The following SLC7A1 variants were observed in gnomAD, a reference collection of about 807,000 sequenced individuals.
The protein encoded by SLC7A1 is high affinity cationic amino acid transporter 1.
In SLC7A1, 10 loss-of-function variants were observed where a neutral mutation model predicts 53.9. That is an observed-to-expected ratio of 0.19 (90% CI 0.11 to 0.31). The LOEUF is 0.31. Ranked by LOEUF, SLC7A1 falls within the 10% of genes least tolerant of loss-of-function variation. The pLI is 1.00. For missense variants in SLC7A1, 525 were observed against 827.2 expected (o/e 0.63, Z 4.48); for synonymous variants, 342 against 338.7 (o/e 1.01, Z -0.11).
Position 29,517,697 on chromosome 13 carries a change from A to G in SLC7A1, c.1386T>C (p.Asn462=). ...CTGGTAAAAAGCCCAGCTGGGAATC[A>G]TTGGTGCTTGCCAATTCATTTTGGT... The part of the protein sequence containing the change: ...PADQNELAST[N]DSQLGFLPEA... The change falls in exon 10 of 13, where the codon AAT becomes AAC. Residue 462 remains asparagine (N), a synonymous_variant. Transcript: ENST00000380752. 1.2e-6 allele frequency: 2 copies of G among 1,614,224 alleles called. No homozygotes were observed. Among genetic ancestry groups the G allele is most frequent in the Non-Finnish European group, 1.7e-6 (2 of 1,180,038 alleles).
intron 7 of SLC7A1, among the ~76,000 whole-genome samples, 174 bp downstream of exon 7, chr13:29,523,092 G>T (rs957203312): frequency 6.6e-6 from 1 of 152,166 alleles, no homozygotes; most frequent in African/African-American, 2.4e-5. Context: ...ATGAATACTG[G>T]CCAACAAGGG....
In SLC7A1 at chr13:29,567,063, G is replaced by A. The variant is rs954919625; in HGVS notation, c.-114-13203C>T. Among the ~76,000 whole-genome samples the A allele has an allele frequency of 9.2e-5, 14 of 152,156 alleles. No homozygotes were observed. The East Asian group carries it at 9.6e-4, about 10-fold the overall frequency. ...CGTCATTCTGCTTTGAGAGTTTCAC[G>A]AGGGTGAAATTAGCTCCTATTTGAT... On this transcript the variant is annotated intron_variant, in intron 1 of 12. Transcript: ENST00000380752.
chr13:29,567,545 C>T (rs1018209557), intron 1 of SLC7A1, among the ~76,000 whole-genome samples: 6 of 152,312 alleles, frequency 3.9e-5, no homozygotes, highest in African/African-American at 1.2e-4. Flanking sequence ...ACTGAATGTT[C>T]GGAATGCTCA....
At chr13:29,591,646 A>G (rs1306597686) in intron 1 of SLC7A1, among the ~76,000 whole-genome samples, 1 of 152,226 alleles carries the variant, frequency 6.6e-6, no homozygotes, top group Non-Finnish European at 1.5e-5. Flanking sequence ...CTGCAGTAGG[A>G]ATATGGAAAG....
chr13:29,574,175 G>A (rs1871312089), intron 1 of SLC7A1, among the ~76,000 whole-genome samples: 1 of 152,190 alleles, frequency 6.6e-6, no homozygotes, highest in African/African-American at 2.4e-5. Flanking sequence ...AATAGTAGGA[G>A]CTTAGTTTAC....
At chr13:29,526,667 T>C (rs968565666) in intron 5 of SLC7A1, among the ~76,000 whole-genome samples, 1 of 151,922 alleles carries the variant, frequency 6.6e-6, no homozygotes, top group African/African-American at 2.4e-5. Context: ...AGAGATGAAC[T>C]CACAGAAGGG....
chr13:29,532,214 G>A (rs1295965724), intron 4 of SLC7A1, among the ~76,000 whole-genome samples: 5 of 152,178 alleles, frequency 3.3e-5, no homozygotes, highest in African/African-American at 9.7e-5. Context: ...AGCAAAACTC[G>A]CGCTGCACTG....
chr13:29,583,426 G>C (rs1029868977), intron 1 of SLC7A1, among the ~76,000 whole-genome samples: 1 of 152,208 alleles, frequency 6.6e-6, no homozygotes, highest in African/African-American at 2.4e-5. Context: ...AGGACACTTT[G>C]CTGGAAAGAG....
At chr13:29,521,038 C>T (rs1868610280) in intron 8 of SLC7A1, among the ~76,000 whole-genome samples, 2 of 152,210 alleles carry the variant, frequency 1.3e-5, no homozygotes, top group African/African-American at 4.8e-5. Context: ...TAAGGCCAGT[C>T]TTTAATATGA....
intron 1 of SLC7A1, among the ~76,000 whole-genome samples, chr13:29,557,579 GATAAAA>G (rs1870492966): frequency 1.3e-5 from 2 of 151,190 alleles, no homozygotes; most frequent in African/African-American, 4.9e-5. Flanking sequence ...AGATACAAAA[GATAAAA>G]ATTGGTACCA....
At chr13:29,524,561 G>A (rs1401803837) in intron 5 of SLC7A1, among the ~76,000 whole-genome samples, 3 of 152,298 alleles carry the variant, frequency 2.0e-5, no homozygotes, top group African/African-American at 7.2e-5. Context: ...GGAAATGGGG[G>A]AGAAACCAGC....
At chr13:29,578,117 G>C (rs1333808142) in intron 1 of SLC7A1, among the ~76,000 whole-genome samples, 1 of 151,950 alleles carries the variant, frequency 6.6e-6, no homozygotes, top group Non-Finnish European at 1.5e-5. Context: ...TCTCATTTTC[G>C]GGATCTTTCA....
chr13:29,576,124 C>T (rs1871398400), intron 1 of SLC7A1, among the ~76,000 whole-genome samples: 1 of 151,694 alleles, frequency 6.6e-6, no homozygotes, highest in African/African-American at 2.4e-5. Flanking sequence ...TCTGTCTCTA[C>T]AAAAACTATT....
intron 1 of SLC7A1, among the ~76,000 whole-genome samples, chr13:29,577,893 C>G (rs74042344): frequency 6.6e-6 from 1 of 152,170 alleles, no homozygotes; most frequent in Admixed American, 6.5e-5. Context: ...AGGAGAACCA[C>G]GTTCTTCTGG....
At chr13:29,546,696 A>G (rs1869936322) in intron 2 of SLC7A1, among the ~76,000 whole-genome samples, 1 of 152,140 alleles carries the variant, frequency 6.6e-6, no homozygotes, top group African/African-American at 2.4e-5. Context: ...CAGTCTCCCC[A>G]CCATCACGAG....
intron 1 of SLC7A1, among the ~76,000 whole-genome samples, chr13:29,591,352 T>C (rs1872100937): frequency 6.6e-6 from 1 of 152,220 alleles, no homozygotes; most frequent in South Asian, 2.1e-4. Flanking sequence ...GAAAAGACAC[T>C]GACCCCGTAA....
intron 2 of SLC7A1, among the ~76,000 whole-genome samples, chr13:29,539,006 T>C (rs939920595): frequency 1.3e-5 from 2 of 152,114 alleles, no homozygotes; most frequent in African/African-American, 4.8e-5. Flanking sequence ...AAGCAGATTC[T>C]CTCCATAAAA....
In SLC7A1 at chr13:29,536,025, C is replaced by G; in HGVS notation, c.164G>C (p.Gly55Ala). 1 of 1,614,044 alleles carries G rather than the reference C, an allele frequency of 6.2e-7. No individual in the cohort carries two copies. Among genetic ancestry groups the G allele is most frequent in the Non-Finnish European group, 8.5e-7 (1 of 1,180,040 alleles). The change falls in exon 3 of 13, where the codon GGA (glycine) becomes GCA (alanine). Residue 55 changes from glycine to alanine, a missense_variant. Transcript: ENST00000380752. Reference sequence around the variant, plus strand: ...GCCTGCATTCTCACGGGCCACAGCTCCAGCCAGGACGTAGACACCAGCACC... The same window carrying G: ...GCCTGCATTCTCACGGGCCACAGCTGCAGCCAGGACGTAGACACCAGCACC... ...TLGAGVYVLA[G>A]AVARENAGPA...
chr13:29,576,160 A>G (rs1244009328), intron 1 of SLC7A1, among the ~76,000 whole-genome samples: 1 of 151,936 alleles, frequency 6.6e-6, no homozygotes, highest in Admixed American at 6.6e-5. Flanking sequence ...GGTGTGGTGG[A>G]GTGCACCTGT....
Sources: gnomAD v4.1 joint callset for allele counts (sites outside exome capture counted in the v4.1 genomes callset) on GRCh38, gnomAD v4.1.1 for gene constraint, MANE v1.5 for transcripts, NCBI Gene and HGNC (gene_info 2026-07-23, HGNC 2026-07-21) for gene names.